Variants in DHRS1 observed in about 807,000 individuals in gnomAD.
DHRS1 encodes the protein dehydrogenase/reductase SDR family member 1.
A neutral mutation model predicts 35.2 loss-of-function variants in DHRS1; 34 were observed. That is an observed-to-expected ratio of 0.97 (90% CI 0.74 to 1.29). The LOEUF is 1.29. Among genes scored for constraint, DHRS1 ranks in the 50% most tolerant of loss-of-function variants. The pLI, the probability that DHRS1 is intolerant of heterozygous loss-of-function variation, is 0.00. For synonymous variants in DHRS1, 133 were observed against 160.0 expected, an observed-to-expected ratio of 0.83 and a Z score of 1.27; for missense variants, 354 against 403.6, an observed-to-expected ratio of 0.88 and a Z score of 1.05.
At position 24,296,878 on chromosome 14, in the gene DHRS1, G is replaced by A; in HGVS notation, c.154C>T (p.Gln52Ter). ...GGCACACATTGGCCCCCGAGGGATTGTGCCTGGAGTAGGACAGGGGATATG... is the reference window on the plus strand; with the variant it reads ...GGCACACATTGGCCCCCGAGGGATTATGCCTGGAGTAGGACAGGGGATATG... ...DTLRVVAQEAQSLGGQCVPVV... is the reference protein window; with the variant it reads ...DTLRVVAQEA The change falls in exon 3 of 9, where the codon CAA becomes TAA. Residue 52 changes from glutamine to a stop codon, truncating the protein, a stop_gained. Transcript: ENST00000288111. LOFTEE classifies it high-confidence loss of function. 1.9e-6 allele frequency: 3 copies of A among 1,614,222 alleles called. No individual in the cohort carries two copies. Among genetic ancestry groups the A allele is most frequent in the Non-Finnish European group, 8.5e-7 (1 of 1,180,028 alleles).
At position 24,290,716 on chromosome 14, in the gene DHRS1, A is replaced by T; in HGVS notation, c.*143T>A. Reference sequence around the variant, plus strand: ...AGAAGGGACCTAGGCGCACCCCAGAACTCACCACGGACACACAGCAGAGGG... The same window carrying T: ...AGAAGGGACCTAGGCGCACCCCAGATCTCACCACGGACACACAGCAGAGGG... On this transcript the variant is annotated 3_prime_UTR_variant, in exon 9 of 9. Coordinates refer to ENST00000288111, the MANE Select transcript of DHRS1 (RefSeq NM_001136050.3). 1 of 1,065,778 alleles carries T rather than the reference A, an allele frequency of 9.4e-7. No individual in the cohort carries two copies. 66.0% of individuals were successfully genotyped at this position (1,065,778 alleles called of 1,614,324 possible).
At position 24,291,017 on chromosome 14, in the gene DHRS1, G is replaced by A. The variant is rs370345152; in HGVS notation, c.806-22C>T. 3.1e-6 allele frequency: 5 copies of A among 1,613,792 alleles called. No homozygotes were observed. In the African/African-American group the frequency reaches 6.7e-5, roughly 22 times the overall value. On this transcript the variant is annotated intron_variant, in intron 8 of 8. Transcript: ENST00000288111. The stretch of plus-strand genomic sequence containing the variant: ...CGGCCTGGGAACAACAGGAGGAGGA[G>A]GATTAGATTCTCATTTCCCACTCCT...
chr14:24,297,097 T>C (rs578098777), intron 2 of DHRS1, among the ~76,000 whole-genome samples: 1 of 152,366 alleles, frequency 6.6e-6, no homozygotes, highest in South Asian at 2.1e-4. Flanking sequence ...TGAATTGCAA[T>C]GTAAGTTTTA....
At chr14:24,291,474 C>A (rs1177447185) in intron 7 of DHRS1, 82 bp downstream of exon 7, 3 of 1,459,002 alleles carry the variant, frequency 2.1e-6, no homozygotes, top group East Asian at 4.5e-5. Context: ...AACCAACTCC[C>A]GAGCCAGATC....
Position 24,290,888 on chromosome 14 carries a change from T to C in DHRS1, c.913A>G (p.Ile305Val). The C allele has an allele frequency of 6.2e-7, 1 of 1,613,434 alleles. No homozygotes were observed. The highest frequency in any genetic ancestry group is 2.2e-5 in the East Asian group (1 of 44,834). Residue 305 changes from isoleucine to valine, a missense_variant, in exon 9 of 9, where the codon ATT (isoleucine) becomes GTT (valine). By Grantham distance (29) the Ile-to-Val change is conservative. Coordinates refer to ENST00000288111, the MANE Select transcript of DHRS1 (RefSeq NM_001136050.3). The part of the protein sequence containing the change: ...LPSFLRVPKW[I>V]IALYTSKF ...AACTTGCTAGTGTAGAGGGCAATAATCCACTTGGGCACACGGAGGAAGGAG... is the reference window on the plus strand; with the variant it reads ...AACTTGCTAGTGTAGAGGGCAATAACCCACTTGGGCACACGGAGGAAGGAG...
At chr14:24,293,025 C>A (rs1048368025) in intron 4 of DHRS1, 56 of 484,794 alleles carry the variant, frequency 1.2e-4, no homozygotes, top group South Asian at 5.1e-4. Flanking sequence ...ACGCAAGAGC[C>A]CTGTCACAAT....
At chr14:24,295,695 C>G (rs1251703894) in intron 4 of DHRS1, among the ~76,000 whole-genome samples, 1 of 152,226 alleles carries the variant, frequency 6.6e-6, no homozygotes, top group Non-Finnish European at 1.5e-5. Context: ...TAACGTGTCC[C>G]TTTCTTGCCT....
At position 24,298,235 on chromosome 14, in the gene DHRS1, A is replaced by G. The variant is rs117314873; in HGVS notation, c.150+722T>C. The stretch of plus-strand genomic sequence containing the variant: ...TAATTATTTAAAAAATATTTTTTGT[A>G]GAGACTGGGTCTAGCTATGTTGCCC... On this transcript the variant is annotated intron_variant, in intron 2 of 8. Coordinates refer to ENST00000288111, the MANE Select transcript of DHRS1 (RefSeq NM_001136050.3). 1.3e-3 allele frequency among the ~76,000 whole-genome samples: 193 copies of G among 152,234 alleles called. 1 individual carries two copies. In the East Asian group the frequency reaches 0.034, roughly 27 times the overall value.
chr14:24,296,268 G>A (rs1475217398), intron 4 of DHRS1, among the ~76,000 whole-genome samples: 3 of 152,246 alleles, frequency 2.0e-5, no homozygotes, highest in African/African-American at 7.2e-5. Context: ...TGGGCAGAGA[G>A]TGAGACAGGA....
rs778332832 is a variant in DHRS1, at chr14:24,299,651, T to C, written c.-95A>G. 26 of 340,856 alleles carry C rather than the reference T, an allele frequency of 7.6e-5. No individual in the cohort carries two copies. Among genetic ancestry groups the C allele is most frequent in the Admixed American group, 1.3e-4 (3 of 22,784 alleles). The allele number at this position is 340,856 out of a possible 1,614,324, so 21.1% of individuals were successfully genotyped here. On this transcript the variant is annotated 5_prime_UTR_variant, in exon 1 of 9. Coordinates refer to ENST00000288111, the MANE Select transcript of DHRS1 (RefSeq NM_001136050.3). ...GTGGAAGTCTGGGTTCTCGCCCAGATTGAGCCGGCGACGTGGAGGCAGTGT... is the reference window on the plus strand; with the variant it reads ...GTGGAAGTCTGGGTTCTCGCCCAGACTGAGCCGGCGACGTGGAGGCAGTGT...
chr14:24,298,065 T>C (rs1246726692), intron 2 of DHRS1, among the ~76,000 whole-genome samples: 2 of 152,164 alleles, frequency 1.3e-5, no homozygotes, highest in African/African-American at 2.4e-5. Context: ...TTTTTTTTTT[T>C]AGAGACAGGG....
Position 24,296,856 on chromosome 14 carries a change from A to G in DHRS1, c.176T>C (p.Val59Ala), listed in dbSNP as rs550934874. ...CTGGCTTGAATCGCACACCACAGGC[A>G]CACATTGGCCCCCGAGGGATTGTGC... is the stretch of plus-strand genomic sequence containing the variant. ...QEAQSLGGQC[V>A]PVVCDSSQES... The change falls in exon 3 of 9, where the codon GTG (valine) becomes GCG (alanine). Residue 59 changes from valine (V) to alanine (A), a missense_variant. Val to Ala is a moderately conservative substitution (Grantham distance 64, BLOSUM62 0). Transcript: ENST00000288111. The G allele has an allele frequency of 3.7e-6, 6 of 1,614,226 alleles. No homozygotes were observed. The South Asian group carries it at 6.6e-5, about 18-fold the overall frequency.
At chr14:24,293,016 C>G (rs8003991) in intron 4 of DHRS1, 219,825 of 505,688 alleles carry the variant, frequency 0.43, 51,397 homozygotes, top group Middle Eastern at 0.54. Context: ...AGAAATGGAA[C>G]GCAAGAGCCC....
rs895288433 is a variant in DHRS1, at chr14:24,296,820, A to C, written c.212T>G (p.Val71Gly). 2 of 1,614,128 alleles carry C rather than the reference A, an allele frequency of 1.2e-6. No individual in the cohort carries two copies. Among genetic ancestry groups the C allele is most frequent in the African/African-American group, 2.7e-5 (2 of 74,934 alleles). ...VVCDSSQESE[V>G]RSLFEQVDRE... ...ATCCACTTGCTCAAACAGGCTTCGC[A>C]CTTCACTCTCCTGGCTTGAATCGCA... The change falls in exon 3 of 9, where the codon GTG (valine) becomes GGG (glycine). Residue 71 changes from valine (V) to glycine (G), a missense_variant. Physicochemically the swap from Val to Gly is moderately radical, Grantham distance 109. Transcript: ENST00000288111.
chr14:24,290,829 AAGCAGAGAC>A lies in DHRS1; in HGVS notation c.*21_*29del, dbSNP rs1566399710. On this transcript the variant is annotated 3_prime_UTR_variant, in exon 9 of 9. Coordinates refer to ENST00000288111, the MANE Select transcript of DHRS1 (RefSeq NM_001136050.3). ...AACCACCAAGTCCAAATGAGAAGAC[AAGCAGAGAC>A]GTAGTGTCAGACCAGGAGGGTTAGA... 6.2e-7 allele frequency: 1 copy of A among 1,612,856 alleles called. No homozygotes were observed. The highest frequency in any genetic ancestry group is 1.7e-5 in the Admixed American group (1 of 59,912).
Position 24,292,224 on chromosome 14 carries a change from A to G in DHRS1, c.614T>C (p.Met205Thr), listed in dbSNP as rs1324613978. Reference protein sequence around the residue: ...IVQTELLKEHMAKEEVLQDPV... With the variant: ...IVQTELLKEHTAKEEVLQDPV... ...ATCCTGCAGGACCTCCTCCTTTGCCATATGCTCCTTCAGCAGTTCTGTCTG... is the reference window on the plus strand; with the variant it reads ...ATCCTGCAGGACCTCCTCCTTTGCCGTATGCTCCTTCAGCAGTTCTGTCTG... The change falls in exon 6 of 9, where the codon ATG (methionine) becomes ACG (threonine). Residue 205 changes from methionine to threonine, a missense_variant. Coordinates refer to ENST00000288111, the MANE Select transcript of DHRS1 (RefSeq NM_001136050.3). The G allele has an allele frequency of 3.7e-6, 6 of 1,613,982 alleles. No homozygotes were observed. The South Asian group carries it at 6.6e-5, about 18-fold the overall frequency.
At chr14:24,294,577 G>A (rs941715236) in intron 4 of DHRS1, 1 of 143,216 alleles carries the variant, frequency 7.0e-6, no homozygotes, top group African/African-American at 2.6e-5. Context: ...GACAGAGCGA[G>A]ATTCCACCTC....
intron 4 of DHRS1, among the ~76,000 whole-genome samples, chr14:24,296,300 A>C (rs1157719450): frequency 1.3e-5 from 2 of 152,218 alleles, no homozygotes; most frequent in African/African-American, 4.8e-5. Flanking sequence ...GGCTTGTTCC[A>C]ATGAAAATTA....
chr14:24,293,700 G>A (rs1054104301), intron 4 of DHRS1: 4 of 152,128 alleles, frequency 2.6e-5, no homozygotes, highest in African/African-American at 9.6e-5. Context: ...ATATTAAAAT[G>A]CACAGGGGCC....
Sources: allele counts gnomAD v4.1 joint callset (sites outside exome capture counted in the v4.1 genomes callset), GRCh38; gene constraint gnomAD v4.1.1; transcripts MANE v1.5; gene names NCBI Gene and HGNC (gene_info 2026-07-23, HGNC 2026-07-21).